Variants in IFT80 observed in about 807,000 individuals in gnomAD.
IFT80 encodes intraflagellar transport 80.
In IFT80, 79 loss-of-function variants were observed where a neutral mutation model predicts 107.9. That is an observed-to-expected ratio of 0.73 (90% CI 0.61 to 0.88). IFT80 has a LOEUF of 0.88. Ranked by LOEUF, IFT80 falls within the 40% of genes least tolerant of loss-of-function variation. The pLI is 0.00. For missense variants in IFT80, 797 were observed against 914.2 expected, an observed-to-expected ratio of 0.87 and a Z score of 1.65; for synonymous variants, 299 against 300.9, an observed-to-expected ratio of 0.99 and a Z score of 0.07.
At chr3:160,392,319 T>A (rs1305486085) in intron 1 of IFT80, among the ~76,000 whole-genome samples, 1 of 152,268 alleles carries the variant, frequency 6.6e-6, no homozygotes, top group Admixed American at 6.5e-5. Flanking sequence ...AATATGAATG[T>A]AAATATATTC....
chr3:160,279,122 A>C, intron 16 of IFT80, 71 bp downstream of exon 16: 11 of 1,249,680 alleles, frequency 8.8e-6, no homozygotes, highest in African/African-American at 1.5e-5. Flanking sequence ...GCCTATTATC[A>C]TTACTCATTT....
intron 9 of IFT80, among the ~76,000 whole-genome samples, chr3:160,317,354 C>T (rs777601346): frequency 3.9e-5 from 6 of 151,942 alleles, no homozygotes; most frequent in Non-Finnish European, 7.4e-5. Context: ...ATTTTAAACA[C>T]AAAGACAATT....
chr3:160,393,807 T>C (rs1325944987), intron 1 of IFT80, among the ~76,000 whole-genome samples: 1 of 152,056 alleles, frequency 6.6e-6, no homozygotes, highest in Non-Finnish European at 1.5e-5. Flanking sequence ...AGATAAGAAG[T>C]GGCAGAAAAA....
chr3:160,331,599 T>G (rs1326784545), intron 8 of IFT80, among the ~76,000 whole-genome samples: 1 of 152,164 alleles, frequency 6.6e-6, no homozygotes, highest in African/African-American at 2.4e-5. Context: ...AAGATGCAAA[T>G]AAGGTATAAC....
chr3:160,368,359 C>CAA (rs56031662), intron 5 of IFT80, among the ~76,000 whole-genome samples: 6 of 90,628 alleles, frequency 6.6e-5, no homozygotes, highest in Admixed American at 1.2e-4. Flanking sequence ...AGACCCAGTC[C>CAA]AAAAAAAAAA....
rs35098077 is a variant in IFT80, at chr3:160,334,805, C to CT, written c.778-14867dup. Among the ~76,000 whole-genome samples the CT allele has an allele frequency of 7.9e-3, 1,148 of 144,768 alleles. 7 individuals carry two copies. Among genetic ancestry groups the CT allele is most frequent in the Non-Finnish European group, 0.012 (781 of 66,008 alleles). The allele number at this position is 144,768 out of a possible 152,430, so 95.0% of individuals were successfully genotyped here. ...TAGTCTTCTTGACAGACTCTCATAG[C>CT]TTTTTTTTTTTTTTAAAGACAGTTT... On this transcript the variant is annotated intron_variant, in intron 8 of 19. Transcript: ENST00000326448.
intron 1 of IFT80, among the ~76,000 whole-genome samples, chr3:160,390,961 T>C (rs1306092318): frequency 1.3e-5 from 2 of 152,210 alleles, no homozygotes; most frequent in Admixed American, 6.5e-5. Flanking sequence ...GTATGCCATA[T>C]CAGTTTACTA....
intron 1 of IFT80, among the ~76,000 whole-genome samples, chr3:160,387,096 A>T (rs1712994261): frequency 6.6e-6 from 1 of 152,246 alleles, no homozygotes; most frequent in South Asian, 2.1e-4. Flanking sequence ...AAGAGAAATG[A>T]AAGTGACTTA....
chr3:160,395,379 T>A (rs1458143303), intron 1 of IFT80, among the ~76,000 whole-genome samples: 5 of 152,196 alleles, frequency 3.3e-5, no homozygotes, highest in Non-Finnish European at 7.4e-5. Flanking sequence ...TTAATAAATG[T>A]TAGTATTTCC....
intron 1 of IFT80, among the ~76,000 whole-genome samples, chr3:160,388,800 G>A (rs1374580440): frequency 6.6e-6 from 1 of 152,048 alleles, no homozygotes; most frequent in African/African-American, 2.4e-5. Flanking sequence ...TGTAGAAGAG[G>A]GAAGCAGAAG....
rs563554995 is a variant in IFT80 at position 160,358,003 on chromosome 3, T to TTTTA, written c.550-429_550-426dup. Among the ~76,000 whole-genome samples the TTTTA allele has an allele frequency of 2.5e-4, 38 of 151,322 alleles. No individual in the cohort carries two copies. In the South Asian group the frequency reaches 3.3e-3, roughly 13 times the overall value. ...GCCTTCATGCTTGTTTACTTATTTA[T>TTTTA]TTTATTTATTTATTTATTTATTTTT... On this transcript the variant is annotated intron_variant, in intron 6 of 19. Transcript: ENST00000326448.
At chr3:160,310,687 T>C (rs988920861) in intron 9 of IFT80, among the ~76,000 whole-genome samples, 5 of 152,168 alleles carry the variant, frequency 3.3e-5, no homozygotes, top group South Asian at 2.1e-4. Flanking sequence ...AGGTTTATAA[T>C]ACCTGAACAC....
chr3:160,351,535 T>C (rs1273430926), intron 8 of IFT80, among the ~76,000 whole-genome samples: 3 of 147,500 alleles, frequency 2.0e-5, no homozygotes, highest in East Asian at 2.0e-4. Context: ...TGAACAAATA[T>C]ATATATACAC....
intron 8 of IFT80, among the ~76,000 whole-genome samples, chr3:160,320,479 TCTAA>T (rs1219025630): frequency 3.3e-5 from 5 of 151,944 alleles, no homozygotes; most frequent in Admixed American, 6.6e-5. Context: ...CTAGAACCTA[TCTAA>T]CTGTCTGAGA....
intron 16 of IFT80, among the ~76,000 whole-genome samples, chr3:160,278,492 C>T (rs1268115412): frequency 6.6e-6 from 1 of 152,146 alleles, no homozygotes; most frequent in Non-Finnish European, 1.5e-5. Context: ...CTGCAGTCCA[C>T]CACTTTTCCC....
chr3:160,365,970 C>T lies in IFT80; in HGVS notation c.549+73G>A, dbSNP rs1576877549. ...AAAAAGACCACCCAGAAGAAAGAGA[C>T]TCCTAAGCAAGTGCCCTCTAGTTTA... On this transcript the variant is annotated intron_variant, in intron 6 of 19. Coordinates refer to ENST00000326448, the MANE Select transcript of IFT80 (RefSeq NM_020800.3). 5.5e-6 allele frequency: 6 copies of T among 1,093,630 alleles called. No individual in the cohort carries two copies. The East Asian group carries it at 1.4e-4, about 26-fold the overall frequency. The allele number at this position is 1,093,630 out of a possible 1,614,324, so 67.7% of individuals were successfully genotyped here. A position where few individuals can be genotyped will look rare whatever the true frequency, so the allele number is the denominator to read the frequency against.
chr3:160,268,372 T>G, intron 19 of IFT80, 41 bp downstream of exon 19: 1 of 1,508,824 alleles, frequency 6.6e-7, no homozygotes, highest in South Asian at 1.1e-5. Context: ...CATATACTTA[T>G]AAAGCATATG....
chr3:160,336,238 G>A (rs897725612), intron 8 of IFT80, among the ~76,000 whole-genome samples: 12 of 152,088 alleles, frequency 7.9e-5, no homozygotes, highest in Non-Finnish European at 1.5e-4. Flanking sequence ...CAAAGTGGAG[G>A]GGTTACTTTC....
At chr3:160,304,059 T>C in intron 10 of IFT80, 70 bp from the exon 11 acceptor site, 1 of 1,012,134 alleles carries the variant, frequency 9.9e-7, no homozygotes, top group South Asian at 1.3e-5. Context: ...AGTAGATTGG[T>C]ATTCATTTTA....
Sources: gnomAD v4.1 joint callset for allele counts (sites outside exome capture counted in the v4.1 genomes callset) on GRCh38, gnomAD v4.1.1 for gene constraint, MANE v1.5 for transcripts, NCBI Gene and HGNC (gene_info 2026-07-23, HGNC 2026-07-21) for gene names.